ATAD1: variants seen among roughly 807,000 people sequenced by gnomAD.
ATAD1 encodes ATPase family AAA domain containing 1, also known as outer mitochondrial transmembrane helix translocase.
A neutral mutation model predicts 42.7 loss-of-function variants in ATAD1; 18 were observed. The ratio of observed to expected loss-of-function variants is 0.42; its 90% CI spans 0.29 to 0.63. The LOEUF (loss-of-function observed/expected upper bound fraction) is 0.63, where lower values mean the gene tolerates loss of function less well. ATAD1 is among the 20% of genes least tolerant of loss of function. The pLI is 0.19. For synonymous variants in ATAD1, 132 were observed against 143.1 expected (o/e 0.92, Z 0.55); for missense variants, 294 against 440.4 (o/e 0.67, Z 2.98).
chr10:87,784,214 T>C (rs777629854), intron 5 of ATAD1, among the ~76,000 whole-genome samples: 12 of 152,052 alleles, frequency 7.9e-5, no homozygotes, highest in Non-Finnish European at 1.6e-4. Flanking sequence ...CATATATACA[T>C]GAGAAAACAT....
intron 9 of ATAD1, among the ~76,000 whole-genome samples, chr10:87,755,248 T>A (rs1426020869): frequency 6.6e-6 from 1 of 152,212 alleles, no homozygotes; most frequent in Non-Finnish European, 1.5e-5. Context: ...CTTACATGCA[T>A]GTTTTGCTTT....
intron 5 of ATAD1, among the ~76,000 whole-genome samples, chr10:87,783,836 A>G (rs1855686820): frequency 1.3e-5 from 2 of 152,086 alleles, no homozygotes; most frequent in South Asian, 4.1e-4. Flanking sequence ...GAGAACATTT[A>G]TGGGGATAGT....
intron 2 of ATAD1, among the ~76,000 whole-genome samples, chr10:87,803,475 C>T (rs1856794000): frequency 6.6e-6 from 1 of 152,248 alleles, no homozygotes; most frequent in Admixed American, 6.5e-5. Context: ...CGCGTATCTG[C>T]TTGCCTCTTT....
chr10:87,812,455 G>A (rs896411733), intron 2 of ATAD1, among the ~76,000 whole-genome samples: 1 of 152,034 alleles, frequency 6.6e-6, no homozygotes, highest in Admixed American at 6.6e-5. Flanking sequence ...TAGAGATGGG[G>A]TTTCACCATG....
At chr10:87,761,154 G>A (rs1854466894) in intron 8 of ATAD1, among the ~76,000 whole-genome samples, 1 of 151,918 alleles carries the variant, frequency 6.6e-6, no homozygotes, top group Non-Finnish European at 1.5e-5. Context: ...ATAAATATAT[G>A]TGCTACTGAT....
rs1485273915 is a variant in ATAD1, at chr10:87,776,452, T to C, written c.584-25A>G. On this transcript the variant is annotated intron_variant, in intron 5 of 9. Coordinates refer to ENST00000680024, the MANE Select transcript of ATAD1 (RefSeq NM_001321967.2). ...TCTAGAAGTAAAAGGTCCTTAACCT[T>C]AGAAATTAAGAATTAATTATTTACC... is the stretch of plus-strand genomic sequence containing the variant. The C allele has an allele frequency of 3.9e-6, 6 of 1,547,700 alleles. No individual in the cohort carries two copies. In the African/African-American group the frequency reaches 4.1e-5, roughly 11 times the overall value.
At chr10:87,773,095 G>A (rs753692560) in intron 6 of ATAD1, among the ~76,000 whole-genome samples, 1 of 151,820 alleles carries the variant, frequency 6.6e-6, no homozygotes, top group Non-Finnish European at 1.5e-5. Context: ...TCTGTACAAC[G>A]AACTCCCCAA....
At position 87,784,597 on chromosome 10, in the gene ATAD1, A is replaced by G; in HGVS notation, c.456T>C (p.Cys152=). The change falls in exon 5 of 10, where the codon TGT becomes TGC. Residue 152 remains cysteine, a synonymous_variant. Coordinates refer to ENST00000680024, the MANE Select transcript of ATAD1 (RefSeq NM_001321967.2). ...IAKATAKEAG[C]RFINLQPSTL... ...TCGAAGGCTGAAGGTTAATAAATCG[A>G]CAGCCTGCTTCTTTGGCTGTGGCCT... 1 of 1,613,506 alleles carries G rather than the reference A, an allele frequency of 6.2e-7. No homozygotes were observed. The highest frequency in any genetic ancestry group is 2.2e-5 in the East Asian group (1 of 44,866).
chr10:87,790,520 T>TA, intron 3 of ATAD1, 90 bp from the exon 4 acceptor site: 1 of 1,306,548 alleles, frequency 7.7e-7, no homozygotes, highest in Non-Finnish European at 1.0e-6. Flanking sequence ...AATGTTAATC[T>TA]GATGATTATA....
intron 6 of ATAD1, among the ~76,000 whole-genome samples, chr10:87,772,538 G>A (rs1457849881): frequency 1.3e-5 from 2 of 151,952 alleles, no homozygotes; most frequent in African/African-American, 4.8e-5. Context: ...ATGAGTATAA[G>A]GAAAAAACAT....
Position 87,752,460 on chromosome 10 carries a change from T to C in ATAD1, c.*2227A>G, listed in dbSNP as rs2131739539. ...TGTGCCAGGCACTATGCTGAGGGCC[T>C]TACATGCATTATTTTATTATCCAAC... On this transcript the variant is annotated 3_prime_UTR_variant, in exon 10 of 10. Transcript: ENST00000680024. The C allele has an allele frequency of 6.6e-6, 1 of 152,280 alleles. No individual in the cohort carries two copies. Among genetic ancestry groups the C allele is most frequent in the East Asian group, 1.9e-4 (1 of 5,184 alleles). 9.4% of individuals were successfully genotyped at this position (152,280 alleles called of 1,614,324 possible). A position where few individuals can be genotyped will look rare whatever the true frequency, so the allele number is the denominator to read the frequency against.
At chr10:87,787,793 C>T (rs566803598) in intron 4 of ATAD1, among the ~76,000 whole-genome samples, 2 of 152,226 alleles carry the variant, frequency 1.3e-5, no homozygotes, top group South Asian at 4.1e-4. Flanking sequence ...ATTAAATCTA[C>T]TTAAATATAA....
chr10:87,792,623 TAAAAAA>T (rs750330815), intron 3 of ATAD1, 28 bp downstream of exon 3: 322 of 806,070 alleles, frequency 4.0e-4, no homozygotes, highest in Non-Finnish European at 5.5e-4. Context: ...CCCCCACCTC[TAAAAAA>T]ATCTTAAATA....
intron 7 of ATAD1, among the ~76,000 whole-genome samples, chr10:87,770,485 GA>G (rs1445225147): frequency 6.6e-6 from 1 of 152,142 alleles, no homozygotes; most frequent in Non-Finnish European, 1.5e-5. Flanking sequence ...GGTAAACTAT[GA>G]TATCTACTGG....
intron 1 of ATAD1, among the ~76,000 whole-genome samples, chr10:87,840,248 A>G (rs1219747321): frequency 6.6e-6 from 1 of 152,196 alleles, no homozygotes; most frequent in Non-Finnish European, 1.5e-5. Flanking sequence ...CTTCGTGATG[A>G]CAAGGCGGGA....
intron 2 of ATAD1, among the ~76,000 whole-genome samples, chr10:87,799,741 C>G (rs1385684245): frequency 6.6e-6 from 1 of 151,030 alleles, no homozygotes; most frequent in East Asian, 1.9e-4. Flanking sequence ...TAAAGTTATA[C>G]TAAAATAATA....
At chr10:87,764,761 C>A (rs1447365428) in intron 8 of ATAD1, among the ~76,000 whole-genome samples, 1 of 152,124 alleles carries the variant, frequency 6.6e-6, no homozygotes, top group Non-Finnish European at 1.5e-5. Context: ...ATCGGCAAAA[C>A]CCAGACTGTG....
chr10:87,777,723 A>G (rs185423195), intron 5 of ATAD1, among the ~76,000 whole-genome samples: 3 of 152,300 alleles, frequency 2.0e-5, no homozygotes, highest in African/African-American at 7.2e-5. Context: ...CATTGAAACT[A>G]CAACACAAAC....
At chr10:87,764,700 C>G (rs191712220) in intron 8 of ATAD1, among the ~76,000 whole-genome samples, 1 of 152,260 alleles carries the variant, frequency 6.6e-6, no homozygotes, top group Non-Finnish European at 1.5e-5. Context: ...TGAACCTCAT[C>G]CAGTCTCTTG....
Sources: gnomAD v4.1 joint callset for allele counts (sites outside exome capture counted in the v4.1 genomes callset) on GRCh38, gnomAD v4.1.1 for gene constraint, MANE v1.5 for transcripts, NCBI Gene and HGNC (gene_info 2026-07-23, HGNC 2026-07-21) for gene names.